The following TKTL1 variants were observed in gnomAD, a reference collection of about 807,000 sequenced individuals.
TKTL1 encodes the protein transketolase like 1.
TKTL1 carries 1 observed loss-of-function variant against 39.3 expected under a neutral mutation model. That is an observed-to-expected ratio of 0.03 (90% confidence interval 0.01 to 0.12). The LOEUF (loss-of-function observed/expected upper bound fraction) is 0.12, where lower values mean the gene tolerates loss of function less well. Among genes scored for constraint, TKTL1 ranks in the 10% least tolerant of loss-of-function variants. TKTL1 has a pLI of 1.00. For synonymous variants in TKTL1, 262 were observed against 193.8 expected (o/e 1.35, Z -2.92); for missense variants, 575 against 509.6 (o/e 1.13, Z -1.24).
At chrX:154,324,222 C>G (rs1041596834) in intron 9 of TKTL1, among the ~76,000 whole-genome samples, 4 of 111,677 alleles carry the variant, frequency 3.6e-5, no homozygotes, top group African/African-American at 9.8e-5. Context: ...TCTCGGCTCA[C>G]TGCAGCCTCC....
chrX:154,323,081 G>A lies in TKTL1; in HGVS notation c.1187-126G>A, dbSNP rs182630440. On this transcript the variant is annotated intron_variant, in intron 8 of 12. Coordinates refer to ENST00000369915, the MANE Select transcript of TKTL1 (RefSeq NM_012253.4). ...AGGATGCAGCGGGACCATTTATGGGGCTCTGCTACAGCTCGGGACACCCCG... is the reference window on the plus strand; with the variant it reads ...AGGATGCAGCGGGACCATTTATGGGACTCTGCTACAGCTCGGGACACCCCG... 1.2e-5 allele frequency: 10 copies of A among 850,178 alleles called. No homozygotes were observed. In the East Asian group the frequency reaches 2.6e-4, roughly 22 times the overall value. The allele number at this position is 850,178 out of a possible 1,213,427, so 70.1% of individuals were successfully genotyped here. A position where few individuals can be genotyped will look rare whatever the true frequency, so the allele number is the denominator to read the frequency against.
chrX:154,329,619 A>G lies in TKTL1; in HGVS notation c.1722A>G (p.Glu574=). 1.7e-6 allele frequency: 2 copies of G among 1,211,574 alleles called. No individual in the cohort carries two copies. The highest frequency in any genetic ancestry group is 2.3e-4 in the Middle Eastern group (1 of 4,355). Residue 574 remains glutamate (E), a synonymous_variant, in exon 13 of 13, where the codon GAA becomes GAG. Transcript: ENST00000369915. The stretch of plus-strand genomic sequence containing the variant: ...TGCCCCAGAGTGGGAAGTCCGAGGA[A>G]TTGCTGGATATGTATGGAATTAGTG... ...SGVPQSGKSE[E]LLDMYGISAR... is the part of the protein sequence containing the mutation.
chrX:154,323,168 G>A (rs781794551), intron 8 of TKTL1, 39 bp from the exon 9 acceptor site: 1 of 1,201,908 alleles, frequency 8.3e-7, no homozygotes, highest in South Asian at 1.8e-5. Flanking sequence ...TTCCTAATGG[G>A]GTTATGCTCC....
At position 154,320,862 on chromosome X, in the gene TKTL1, C is replaced by T; in HGVS notation, c.1135C>T (p.Leu379Phe). 8.3e-7 allele frequency: 1 copy of T among 1,211,408 alleles called. No homozygotes were observed. The change falls in exon 8 of 13, where the codon CTC (leucine) becomes TTC (phenylalanine). Residue 379 changes from leucine to phenylalanine, a missense_variant. Physicochemically the swap from Leu to Phe is conservative, Grantham distance 22. Transcript: ENST00000369915. ...RAFDHIRIGG[L>F]AESNINIIGS... is the part of the protein sequence containing the mutation. The stretch of plus-strand genomic sequence containing the variant: ...ATTTGATCACATCCGGATAGGAGGC[C>T]TCGCTGAGAGCAACATCAACATTAT...
intron 7 of TKTL1, among the ~76,000 whole-genome samples, chrX:154,316,045 C>T (rs1413401071): frequency 8.9e-6 from 1 of 111,767 alleles, no homozygotes; most frequent in African/African-American, 3.3e-5. Flanking sequence ...TCTTATGTGA[C>T]CACCAGTGAC....
chrX:154,320,769 C>G lies in TKTL1; in HGVS notation c.1042C>G (p.Leu348Val). ...MAEQNMVSVA[L>V]GCASRGRTIA... Reference sequence around the variant, plus strand: ...CTCTGTGCTGCAGGTGAGCGTGGCTCTGGGCTGTGCCTCCCGTGGACGGAC... The same window carrying G: ...CTCTGTGCTGCAGGTGAGCGTGGCTGTGGGCTGTGCCTCCCGTGGACGGAC... Residue 348 changes from leucine (L) to valine (V), a missense_variant, in exon 8 of 13, where the codon CTG becomes GTG. Coordinates refer to ENST00000369915, the MANE Select transcript of TKTL1 (RefSeq NM_012253.4). 1 of 1,211,591 alleles carries G rather than the reference C, an allele frequency of 8.3e-7. No individual in the cohort carries two copies. The highest frequency in any genetic ancestry group is 1.1e-6 in the Non-Finnish European group (1 of 895,216).
intron 1 of TKTL1, among the ~76,000 whole-genome samples, chrX:154,297,923 G>A (rs782362720): frequency 8.9e-6 from 1 of 111,842 alleles, no homozygotes; most frequent in African/African-American, 3.2e-5. Flanking sequence ...ATTTTTTTTT[G>A]AGGAGTTTGA....
intron 1 of TKTL1, among the ~76,000 whole-genome samples, chrX:154,302,123 G>C (rs1229385904): frequency 9.1e-6 from 1 of 110,233 alleles, no homozygotes; most frequent in Admixed American, 9.7e-5. Flanking sequence ...TTCACTTTCG[G>C]GTTCTCAATC....
At chrX:154,327,998 G>A (rs1557172369) in intron 12 of TKTL1, 40 bp downstream of exon 12, 2 of 1,206,240 alleles carry the variant, frequency 1.7e-6, no homozygotes, top group South Asian at 3.5e-5. Context: ...AGGTTTTGGT[G>A]TTTTTGTTTC....
At chrX:154,314,224 A>G (rs1272994780) in intron 6 of TKTL1, among the ~76,000 whole-genome samples, 1 of 111,751 alleles carries the variant, frequency 8.9e-6, no homozygotes, top group Admixed American at 9.6e-5. Context: ...CCAAATACGG[A>G]GGAAGATGAA....
intron 5 of TKTL1, 40 bp downstream of exon 5, chrX:154,311,278 C>T (rs1359748705): frequency 8.3e-7 from 1 of 1,207,358 alleles, no homozygotes; most frequent in East Asian, 3.0e-5. Context: ...TTGTTAAAAG[C>T]ATCTGTCCGC....
chrX:154,298,367 C>G (rs1312094205), intron 1 of TKTL1, among the ~76,000 whole-genome samples: 1 of 111,573 alleles, frequency 9.0e-6, no homozygotes, highest in Non-Finnish European at 1.9e-5. Flanking sequence ...CAGGTGCACA[C>G]CACCATGCCC....
At chrX:154,322,930 G>A (rs368665996) in intron 8 of TKTL1, among the ~76,000 whole-genome samples, 1 of 112,129 alleles carries the variant, frequency 8.9e-6, no homozygotes. Context: ...CTCAGCCATC[G>A]TGGACAGTAA....
chrX:154,304,708 C>A (rs1473076375), intron 1 of TKTL1, among the ~76,000 whole-genome samples: 1 of 109,439 alleles, frequency 9.1e-6, no homozygotes, highest in Non-Finnish European at 1.9e-5. Context: ...GGCCTAACAT[C>A]TTTTTTTACT....
chrX:154,302,683 A>G (rs1294516789), intron 1 of TKTL1, among the ~76,000 whole-genome samples: 2 of 111,834 alleles, frequency 1.8e-5, no homozygotes, highest in Non-Finnish European at 3.8e-5. Context: ...TGTGAATGTG[A>G]TCTTATTTGG....
At chrX:154,296,273 G>T (rs782504938) in intron 1 of TKTL1, among the ~76,000 whole-genome samples, 1 of 111,526 alleles carries the variant, frequency 9.0e-6, no homozygotes, top group South Asian at 3.8e-4. Context: ...AGGTCGCCAA[G>T]ATCTCCAGTT....
intron 1 of TKTL1, among the ~76,000 whole-genome samples, chrX:154,296,891 C>T (rs1468816218): frequency 1.8e-5 from 2 of 111,932 alleles, no homozygotes; most frequent in Admixed American, 9.5e-5. Flanking sequence ...TGGCACGTGC[C>T]TGTAGTCCCA....
chrX:154,325,439 T>C lies in TKTL1; in HGVS notation c.1401+17T>C, dbSNP rs782339219. On this transcript the variant is annotated intron_variant, in intron 10 of 12. Transcript: ENST00000369915. ...CAGGCCAAGGTAAGGGCTTACGCGC[T>C]CCTGCGTTATTCAGTATCATCTCCT... is the stretch of plus-strand genomic sequence containing the variant. 8.5e-7 allele frequency: 1 copy of C among 1,171,428 alleles called. No homozygotes were observed. Among genetic ancestry groups the C allele is most frequent in the South Asian group, 1.8e-5 (1 of 55,801 alleles).
chrX:154,318,862 T>C (rs782213569), intron 7 of TKTL1, among the ~76,000 whole-genome samples: 3 of 111,465 alleles, frequency 2.7e-5, no homozygotes, highest in Non-Finnish European at 5.7e-5. Flanking sequence ...ATTCCATTCA[T>C]TTCCCCAATA....
Sources: gnomAD v4.1 joint callset for allele counts (sites outside exome capture counted in the v4.1 genomes callset) on GRCh38, gnomAD v4.1.1 for gene constraint, MANE v1.5 for transcripts, NCBI Gene and HGNC (gene_info 2026-07-23, HGNC 2026-07-21) for gene names.